Variants in ABCC2 observed in about 807,000 individuals in gnomAD.
ABCC2 encodes the protein ATP-binding cassette sub-family C member 2.
Under a neutral mutation model 173.4 loss-of-function variants are expected in ABCC2, and 157 were observed. The ratio of observed to expected loss-of-function variants is 0.91; its 90% CI spans 0.80 to 1.03. The LOEUF is 1.03. ABCC2 is among the 50% of genes least tolerant of loss of function. ABCC2 has a pLI of 0.00. For synonymous variants in ABCC2, 657 were observed against 693.5 expected, an observed-to-expected ratio of 0.95 and a Z score of 0.83; for missense variants, 1,822 against 1,852.3, an observed-to-expected ratio of 0.98 and a Z score of 0.30.
At chr10:99,785,119 G>A (rs920875372) in intron 2 of ABCC2, among the ~76,000 whole-genome samples, 1 of 152,194 alleles carries the variant, frequency 6.6e-6, no homozygotes, top group Non-Finnish European at 1.5e-5. Context: ...TCAGTGGACT[G>A]TAATTCAGTT....
Position 99,792,436 on chromosome 10 carries a change from A to G in ABCC2, c.333+77A>G, listed in dbSNP as rs890078592. ...TCTAGGTGAAATGTACTCTTTGGGG[A>G]TGAAATTAATTCCAAGGTCATCTGT... On this transcript the variant is annotated intron_variant, in intron 3 of 31. Transcript: ENST00000647814. 4 of 1,583,250 alleles carry G rather than the reference A, an allele frequency of 2.5e-6. No homozygotes were observed. In the Admixed American group the frequency reaches 6.7e-5, roughly 26 times the overall value.
chr10:99,797,070 T>G lies in ABCC2; in HGVS notation c.633-27T>G, dbSNP rs767595663. ...TAGCCTCTGACCCAGCCTGGGGGTC[T>G]CAGCCTGTGGTTCGCTCTTGTTCCA... On this transcript the variant is annotated intron_variant, in intron 6 of 31. Transcript: ENST00000647814. 4 of 1,607,986 alleles carry G rather than the reference T, an allele frequency of 2.5e-6. No homozygotes were observed. In the East Asian group the frequency reaches 8.9e-5, roughly 36 times the overall value.
chr10:99,851,740 A>G lies in ABCC2; in HGVS notation c.*109A>G. ...AAAGTGTGTATAAAATGTACGTTTTAAAAAAGGATAAGTGAACACCCATGA... is the reference window on the plus strand; with the variant it reads ...AAAGTGTGTATAAAATGTACGTTTTGAAAAAGGATAAGTGAACACCCATGA... On this transcript the variant is annotated 3_prime_UTR_variant, in exon 32 of 32. Transcript: ENST00000647814. 8.4e-7 allele frequency: 1 copy of G among 1,184,932 alleles called. No homozygotes were observed. The highest frequency in any genetic ancestry group is 1.2e-6 in the Non-Finnish European group (1 of 850,956). The allele number at this position is 1,184,932 out of a possible 1,614,324, so 73.4% of individuals were successfully genotyped here.
chr10:99,804,377 G>A (rs1288066610), intron 10 of ABCC2, 104 bp downstream of exon 10: 2 of 1,473,576 alleles, frequency 1.4e-6, no homozygotes, highest in African/African-American at 2.8e-5. Context: ...AGGCAAAGCT[G>A]GTGGAAGACT....
Position 99,813,132 on chromosome 10 carries a change from C to T in ABCC2, c.2082C>T (p.His694=). 6.2e-7 allele frequency: 1 copy of T among 1,613,828 alleles called. No homozygotes were observed. The highest frequency in any genetic ancestry group is 1.1e-5 in the South Asian group (1 of 91,074). The change falls in exon 16 of 32, where the codon CAC becomes CAT. Residue 694 remains histidine, a synonymous_variant. Coordinates refer to ENST00000647814, the MANE Select transcript of ABCC2 (RefSeq NM_000392.5). The stretch of plus-strand genomic sequence containing the variant: ...GAGAAATGGAAAATGTCCACGGGCA[C>T]ATCACCATCAAGGTGAGAGGGAATG... ...MLGEMENVHG[H]ITIKGTTAYV... is the part of the protein sequence containing the mutation.
rs1216091347 is a variant in ABCC2 at position 99,830,997 on chromosome 10, T to TG, written c.2883+146_2883+147insG. ...AATCTTCAGACTCATTATTAACCTG[T>TG]TAGCAGAGGCTGTGGGCTTTCTACC... is the stretch of plus-strand genomic sequence containing the variant. On this transcript the variant is annotated intron_variant, in intron 21 of 31. Coordinates refer to ENST00000647814, the MANE Select transcript of ABCC2 (RefSeq NM_000392.5). 3 of 891,538 alleles carry TG rather than the reference T, an allele frequency of 3.4e-6. No homozygotes were observed. The African/African-American group carries it at 5.0e-5, about 15-fold the overall frequency. The allele number at this position is 891,538 out of a possible 1,614,324, so 55.2% of individuals were successfully genotyped here.
chr10:99,786,765 G>A (rs1013001430), intron 2 of ABCC2, among the ~76,000 whole-genome samples: 2 of 152,210 alleles, frequency 1.3e-5, no homozygotes, highest in Non-Finnish European at 2.9e-5. Flanking sequence ...AGCACTTTGG[G>A]AGGCCGAGGT....
At chr10:99,800,291 A>G in intron 8 of ABCC2, 95 bp from the exon 9 acceptor site, 8 of 1,298,658 alleles carry the variant, frequency 6.2e-6, no homozygotes, top group Admixed American at 1.7e-5. Flanking sequence ...TGTTACCTAC[A>G]GTGTAAAGAT....
intron 18 of ABCC2, 43 bp downstream of exon 18, chr10:99,819,000 G>A (rs1420995883): frequency 6.2e-7 from 1 of 1,611,142 alleles, no homozygotes; most frequent in Non-Finnish European, 8.5e-7. Flanking sequence ...AGGTGGGGTG[G>A]GAGGGAGAGG....
chr10:99,834,675 G>C (rs1041146444), intron 24 of ABCC2, 140 bp downstream of exon 24: 39 of 1,072,030 alleles, frequency 3.6e-5, no homozygotes, highest in Middle Eastern at 2.8e-4. Context: ...GTCATATGTT[G>C]ACATACCCAG....
intron 27 of ABCC2, 59 bp downstream of exon 27, chr10:99,843,959 G>A (rs1481727748): frequency 3.7e-6 from 5 of 1,334,302 alleles, no homozygotes; most frequent in Non-Finnish European, 5.4e-6. Flanking sequence ...ACTCCTTCGA[G>A]AGTGCATCTT....
In ABCC2 at chr10:99,830,801, C is replaced by T; in HGVS notation, c.2833C>T (p.Leu945=). The change falls in exon 21 of 32, where the codon CTA becomes TTA. Residue 945 remains leucine, a synonymous_variant. Coordinates refer to ENST00000647814, the MANE Select transcript of ABCC2 (RefSeq NM_000392.5). ...NVNSLKEDEE[L]VKGQKLIKKE... Reference sequence around the variant, plus strand: ...GAATAGCCTGAAGGAAGACGAAGAACTAGTGAAAGGACAAAAACTAATTAA... The same window carrying T: ...GAATAGCCTGAAGGAAGACGAAGAATTAGTGAAAGGACAAAAACTAATTAA... 6.2e-7 allele frequency: 1 copy of T among 1,613,990 alleles called. No individual in the cohort carries two copies. The highest frequency in any genetic ancestry group is 8.5e-7 in the Non-Finnish European group (1 of 1,179,982).
rs959463409 is a variant in ABCC2 at position 99,799,140 on chromosome 10, C to A, written c.868-67C>A. On this transcript the variant is annotated intron_variant, in intron 7 of 31. Coordinates refer to ENST00000647814, the MANE Select transcript of ABCC2 (RefSeq NM_000392.5). ...GGCCACGGGGCTCACAGGCTGACCA[C>A]CCTGGAGCTGCTCAGGCCAGTAACA... The A allele has an allele frequency of 4.5e-5, 72 of 1,588,756 alleles. No homozygotes were observed. In the East Asian group the frequency reaches 1.6e-3, roughly 34 times the overall value.
At chr10:99,814,251 A>G (rs1366290868) in intron 16 of ABCC2, among the ~76,000 whole-genome samples, 866 of 63,582 alleles carry the variant, frequency 0.014, 52 homozygotes, top group Middle Eastern at 0.018. Flanking sequence ...GCACACACGT[A>G]TGTATACACA....
At chr10:99,846,279 C>T (rs2039016346) in intron 29 of ABCC2, among the ~76,000 whole-genome samples, 1 of 152,246 alleles carries the variant, frequency 6.6e-6, no homozygotes, top group East Asian at 1.9e-4. Context: ...CGAGGCCTCT[C>T]CGTTCCCCGC....
chr10:99,842,613 A>G (rs1035403194), intron 26 of ABCC2, among the ~76,000 whole-genome samples: 19 of 152,230 alleles, frequency 1.2e-4, no homozygotes, highest in African/African-American at 4.6e-4. Context: ...CACCTAAGAC[A>G]GTGGCTGGCA....
intron 13 of ABCC2, 46 bp downstream of exon 13, chr10:99,808,275 C>A: frequency 6.2e-7 from 1 of 1,607,998 alleles, no homozygotes; most frequent in Non-Finnish European, 8.5e-7. Flanking sequence ...TGGTTAAAAG[C>A]CTTGGAGTCC....
chr10:99,837,451 C>CTT (rs1323638111), intron 25 of ABCC2, among the ~76,000 whole-genome samples: 1 of 9,664 alleles, frequency 1.0e-4, no homozygotes, highest in African/African-American at 5.1e-4. Context: ...AAAGTCCATT[C>CTT]TTTTTTTTCT....
At position 99,845,746 on chromosome 10, in the gene ABCC2, C is replaced by T. The variant is rs7899457; in HGVS notation, c.4110C>T (p.Leu1370=). ...IDGVDIASIG[L]HDLREKLTII... ...GAGTAGATATTGCTTCCATTGGGCT[C>T]CACGACCTCCGAGAGAAGCTGACCA... Residue 1370 remains leucine (L), a synonymous_variant, in exon 29 of 32, where the codon CTC becomes CTT. Transcript: ENST00000647814. 9,041 of 1,613,268 alleles carry T rather than the reference C, an allele frequency of 5.6e-3. 439 individuals carry two copies. In the African/African-American group the frequency reaches 0.1, roughly 19 times the overall value.
Sources: gnomAD v4.1 joint callset for allele counts (sites outside exome capture counted in the v4.1 genomes callset) on GRCh38, gnomAD v4.1.1 for gene constraint, MANE v1.5 for transcripts, NCBI Gene and HGNC (gene_info 2026-07-23, HGNC 2026-07-21) for gene names.